The following TMCO5A variants were observed in gnomAD, a reference collection of about 807,000 sequenced individuals.
The protein encoded by TMCO5A is transmembrane and coiled-coil domain-containing protein 5A.
In TMCO5A, 34 loss-of-function variants were observed where a neutral mutation model predicts 42.3. That is an observed-to-expected ratio of 0.80 (90% CI 0.61 to 1.07). TMCO5A has a LOEUF of 1.07. Ranked by LOEUF, TMCO5A falls within the 50% of genes least tolerant of loss-of-function variation. TMCO5A has a pLI of 0.00. For synonymous variants in TMCO5A, 131 were observed against 115.6 expected, an observed-to-expected ratio of 1.13 and a Z score of -0.86; for missense variants, 357 against 327.9, an observed-to-expected ratio of 1.09 and a Z score of -0.69.
the TMCO5A span, among the ~76,000 whole-genome samples, chr15:38,025,672 A>G: frequency 6.6e-6 from 1 of 152,160 alleles, no homozygotes; most frequent in African/African-American, 2.4e-5. Context: ...GTCTTAGGTT[A>G]GGGCCCTGAT....
the TMCO5A span, among the ~76,000 whole-genome samples, chr15:37,977,643 C>T: frequency 6.6e-6 from 1 of 152,206 alleles, no homozygotes; most frequent in African/African-American, 2.4e-5. Flanking sequence ...CTCTCCCACT[C>T]AAGTGTTGAC....
the TMCO5A span, among the ~76,000 whole-genome samples, chr15:37,978,078 G>A: frequency 2.0e-5 from 3 of 152,160 alleles, no homozygotes; most frequent in Admixed American, 2.0e-4. Flanking sequence ...GTTGCCTCTG[G>A]GAGCCCCACT....
the TMCO5A span, among the ~76,000 whole-genome samples, chr15:37,995,319 A>G: frequency 6.6e-6 from 1 of 152,166 alleles, no homozygotes; most frequent in Non-Finnish European, 1.5e-5. Flanking sequence ...GAGCTTCTCC[A>G]CATTGTTCTT....
chr15:37,943,355 G>T lies in TMCO5A; in HGVS notation c.584G>T (p.Ser195Ile), dbSNP rs1474394789. ...TATCTTCATAGATCAAAACTCGTGA[G>T]CATGAACCCTGTGGAAAAAGAGCAT... ...FLEREVSKLVSMNPVEKEHTS... is the reference protein window; with the variant it reads ...FLEREVSKLVIMNPVEKEHTS... The change falls in exon 10 of 12, where the codon AGC becomes ATC. Residue 195 changes from serine (S) to isoleucine (I), a missense_variant. Transcript: ENST00000319669. 2 of 1,612,254 alleles carry T rather than the reference G, an allele frequency of 1.2e-6. No homozygotes were observed. Among genetic ancestry groups the T allele is most frequent in the Non-Finnish European group, 8.5e-7 (1 of 1,179,106 alleles).
chr15:38,003,468 C>T, the TMCO5A span, among the ~76,000 whole-genome samples: 2 of 152,142 alleles, frequency 1.3e-5, no homozygotes, highest in Non-Finnish European at 2.9e-5. Flanking sequence ...TCATGTCCTT[C>T]CTTTCAATGC....
chr15:37,957,602 A>G (rs1890322822), intron 11 of TMCO5A, among the ~76,000 whole-genome samples: 1 of 152,216 alleles, frequency 6.6e-6, no homozygotes, highest in Admixed American at 6.5e-5. Context: ...GATACAAACA[A>G]ATGGAAAAAC....
rs1893101072 is a variant in TMCO5A at position 37,966,172 on chromosome 15, C to T, written c.669-453C>T. Among the ~76,000 whole-genome samples the T allele has an allele frequency of 2.0e-5, 3 of 152,032 alleles. No homozygotes were observed. The South Asian group carries it at 6.2e-4, about 32-fold the overall frequency. ...CAGAAAGACACACATCACATGTTCT[C>T]ATTTATTTGTGAAACCTAAAAATCA... is the stretch of plus-strand genomic sequence containing the variant. On this transcript the variant is annotated intron_variant, in intron 11 of 11. Transcript: ENST00000559502.
chr15:37,993,264 G>T, the TMCO5A span: 152,120 of 152,184 alleles, frequency 1, 76,028 homozygotes, highest in Non-Finnish European at 1. Context: ...CATTTTACCA[G>T]TTTTTAATAT....
chr15:37,937,197 G>A (rs1595584550), intron 4 of TMCO5A, 149 bp from the exon 5 acceptor site: 1 of 1,090,918 alleles, frequency 9.2e-7, no homozygotes, highest in East Asian at 2.5e-5. Context: ...TATTTCACCT[G>A]TGGTTTGATT....
At chr15:38,037,273 A>G in the TMCO5A span, among the ~76,000 whole-genome samples, 45 of 152,360 alleles carry the variant, frequency 3.0e-4, no homozygotes, top group South Asian at 8.7e-3. Context: ...AATCAGCTCT[A>G]TGTTGGTTTA....
At chr15:37,967,841 C>A (rs1398337225), downstream of TMCO5A, 7 of 152,178 alleles carry the variant, frequency 4.6e-5, no homozygotes, top group South Asian at 8.3e-4. Flanking sequence ...GCATTCACAC[C>A]AGCCAGGAGC....
chr15:38,037,462 A>C, the TMCO5A span, among the ~76,000 whole-genome samples: 3 of 152,220 alleles, frequency 2.0e-5, no homozygotes, highest in African/African-American at 7.2e-5. Context: ...TTGTAGAACC[A>C]AGGGTAAGTA....
the TMCO5A span, among the ~76,000 whole-genome samples, chr15:37,991,107 A>G: frequency 2.0e-5 from 3 of 152,164 alleles, no homozygotes; most frequent in African/African-American, 7.2e-5. Context: ...TAAATCATGT[A>G]GAAAACAAAA....
chr15:37,987,206 C>A, the TMCO5A span, among the ~76,000 whole-genome samples: 7 of 151,952 alleles, frequency 4.6e-5, no homozygotes, highest in Non-Finnish European at 8.8e-5. Context: ...TTTATATCGT[C>A]TTTGAAGCAA....
chr15:38,008,085 T>C, the TMCO5A span, among the ~76,000 whole-genome samples: 13,342 of 151,374 alleles, frequency 0.088, 732 homozygotes, highest in African/African-American at 0.15. Flanking sequence ...TTAGTAGAGA[T>C]GGGGTTTCAC....
chr15:38,030,219 A>G, the TMCO5A span, among the ~76,000 whole-genome samples: 1 of 152,144 alleles, frequency 6.6e-6, no homozygotes, highest in African/African-American at 2.4e-5. Flanking sequence ...GATCAGACAG[A>G]CTCATCCCAA....
At chr15:38,012,066 G>A in the TMCO5A span, among the ~76,000 whole-genome samples, 105 of 151,574 alleles carry the variant, frequency 6.9e-4, no homozygotes, top group Non-Finnish European at 1.3e-3. Flanking sequence ...GGAGGTTGCC[G>A]TGAGCCAAGA....
the TMCO5A span, among the ~76,000 whole-genome samples, chr15:37,979,614 T>C: frequency 6.6e-6 from 1 of 151,966 alleles, no homozygotes; most frequent in Non-Finnish European, 1.5e-5. Context: ...TAAGGAGTAG[T>C]AGGGACAGCG....
chr15:37,958,778 C>T (rs571130501), intron 11 of TMCO5A, among the ~76,000 whole-genome samples: 2 of 152,048 alleles, frequency 1.3e-5, no homozygotes, highest in South Asian at 2.1e-4. Context: ...GGTATATACC[C>T]AATGGACTAT....
Sources: gnomAD v4.1 joint callset for allele counts (sites outside exome capture counted in the v4.1 genomes callset) on GRCh38, gnomAD v4.1.1 for gene constraint, MANE v1.5 for transcripts, NCBI Gene and HGNC (gene_info 2026-07-23, HGNC 2026-07-21) for gene names.